CERT1: variants seen among roughly 807,000 people sequenced by gnomAD.
CERT1 encodes the protein ceramide transporter 1, also known as ceramide transfer protein.
In CERT1, 31 loss-of-function variants were observed where a neutral mutation model predicts 87.9. The ratio of observed to expected loss-of-function variants is 0.35; its 90% CI spans 0.27 to 0.48. The LOEUF is 0.48. CERT1 is among the 20% of genes least tolerant of loss of function. The probability of loss-of-function intolerance (pLI) is 0.99; values close to 1 mark genes in which losing one functional copy is unlikely to be tolerated. For missense variants in CERT1, 487 were observed against 758.0 expected (o/e 0.64, Z 4.20); for synonymous variants, 289 against 250.9 (o/e 1.15, Z -1.44).
chr5:75,483,495 AAC>A (rs1766352268), intron 2 of CERT1, among the ~76,000 whole-genome samples: 1 of 152,194 alleles, frequency 6.6e-6, no homozygotes, highest in African/African-American at 2.4e-5. Flanking sequence ...GAAATTAACA[AAC>A]ACAGAGATCA....
At chr5:75,456,846 A>G (rs1037206678) in intron 3 of CERT1, among the ~76,000 whole-genome samples, 2 of 152,158 alleles carry the variant, frequency 1.3e-5, no homozygotes, top group Admixed American at 6.5e-5. Context: ...AAAGAAATCA[A>G]CACTAAAGGA....
At chr5:75,389,393 A>G (rs1032167210) in intron 12 of CERT1, among the ~76,000 whole-genome samples, 199 bp downstream of exon 12, 1 of 152,260 alleles carries the variant, frequency 6.6e-6, no homozygotes, top group Non-Finnish European at 1.5e-5. Flanking sequence ...TATTATAATC[A>G]TAAAAACCTT....
intron 3 of CERT1, among the ~76,000 whole-genome samples, chr5:75,450,262 T>C (rs1182884285): frequency 1.3e-5 from 2 of 151,944 alleles, no homozygotes; most frequent in Admixed American, 6.6e-5. Context: ...GGAAGGGAGG[T>C]GGGTCAGGCA....
chr5:75,377,647 A>C (rs1432660398), downstream of CERT1: 1 of 152,204 alleles, frequency 6.6e-6, no homozygotes, highest in African/African-American at 2.4e-5. Flanking sequence ...AACAACAAAA[A>C]AAGTGTATCT....
At position 75,425,072 on chromosome 5, in the gene CERT1, C is replaced by T. The variant is rs192653848; in HGVS notation, c.595+289G>A. On this transcript the variant is annotated intron_variant, in intron 5 of 16. Coordinates refer to ENST00000643780, the MANE Select transcript of CERT1 (RefSeq NM_001379029.1). ...GTTTGAGGCTGCAGTGAGCTATGAT[C>T]GCGCCACTGCACTCCAGCCTGGGCG... Among the ~76,000 whole-genome samples, 229 of 152,172 alleles carry T rather than the reference C, an allele frequency of 1.5e-3. 1 individual carries two copies. Among genetic ancestry groups the T allele is most frequent in the Admixed American group, 7.4e-3 (113 of 15,284 alleles).
At chr5:75,443,742 G>A (rs971592278) in intron 3 of CERT1, among the ~76,000 whole-genome samples, 2 of 152,094 alleles carry the variant, frequency 1.3e-5, no homozygotes, top group African/African-American at 2.4e-5. Context: ...GTCTATTACT[G>A]AAAAAGGGCA....
chr5:75,382,277 A>G (rs770956776), intron 14 of CERT1, among the ~76,000 whole-genome samples, 200 bp from the exon 15 acceptor site: 1 of 152,176 alleles, frequency 6.6e-6, no homozygotes, highest in Non-Finnish European at 1.5e-5. Context: ...ATAATGTTCT[A>G]TTTTTTTAAT....
At chr5:75,381,228 G>C in intron 15 of CERT1, 27 bp from the exon 16 acceptor site, 2 of 1,613,152 alleles carry the variant, frequency 1.2e-6, no homozygotes, top group Non-Finnish European at 1.7e-6. Flanking sequence ...CAAAGCATCA[G>C]TAGATACCCA....
At chr5:75,429,137 A>T (rs922694647) in intron 3 of CERT1, among the ~76,000 whole-genome samples, 1 of 150,144 alleles carries the variant, frequency 6.7e-6, no homozygotes, top group Non-Finnish European at 1.5e-5. Context: ...CATAAAATTC[A>T]GGTTATCTGG....
intron 2 of CERT1, among the ~76,000 whole-genome samples, chr5:75,485,600 A>T (rs906634446): frequency 6.6e-6 from 1 of 152,000 alleles, no homozygotes; most frequent in Non-Finnish European, 1.5e-5. Context: ...GATAAACAAA[A>T]TTGACAAACC....
chr5:75,510,525 T>A (rs1767896936), intron 1 of CERT1, among the ~76,000 whole-genome samples: 2 of 152,206 alleles, frequency 1.3e-5, no homozygotes, highest in African/African-American at 4.8e-5. Context: ...GAATATTTCC[T>A]GTACCCATCA....
intron 10 of CERT1, 61 bp from the exon 11 acceptor site, chr5:75,399,448 A>G: frequency 8.3e-7 from 1 of 1,200,068 alleles, no homozygotes; most frequent in Admixed American, 1.7e-5. Flanking sequence ...CAGAGCATTC[A>G]GTACCAACTT....
At chr5:75,490,081 C>A (rs1383667399) in intron 2 of CERT1, among the ~76,000 whole-genome samples, 4 of 152,154 alleles carry the variant, frequency 2.6e-5, no homozygotes, top group African/African-American at 9.7e-5. Flanking sequence ...TCATTCTCAG[C>A]AAACTAACAC....
At chr5:75,482,774 G>A (rs766479834) in intron 2 of CERT1, among the ~76,000 whole-genome samples, 1 of 152,172 alleles carries the variant, frequency 6.6e-6, no homozygotes, top group Non-Finnish European at 1.5e-5. Flanking sequence ...AGATCAGCAA[G>A]GCAGTACTAT....
In CERT1 at chr5:75,511,371, C is replaced by A; in HGVS notation, c.-164G>T. ...GGACGAAGTCCGCCCGCCGCGCCGCCGCCGCGCCTGACACCGAGCGGAGCG... is the reference window on the plus strand; with the variant it reads ...GGACGAAGTCCGCCCGCCGCGCCGCAGCCGCGCCTGACACCGAGCGGAGCG... On this transcript the variant is annotated 5_prime_UTR_variant, in exon 1 of 17. Transcript: ENST00000643780. 6.5e-7 allele frequency: 1 copy of A among 1,546,434 alleles called. No homozygotes were observed. Among genetic ancestry groups the A allele is most frequent in the African/African-American group, 1.4e-5 (1 of 73,040 alleles).
chr5:75,423,844 A>G (rs1763490356), intron 5 of CERT1, among the ~76,000 whole-genome samples: 1 of 152,214 alleles, frequency 6.6e-6, no homozygotes, highest in South Asian at 2.1e-4. Flanking sequence ...AGAAGCTAAC[A>G]AAGGAGATAA....
chr5:75,397,023 T>C (rs1009004882), intron 11 of CERT1, among the ~76,000 whole-genome samples: 23 of 152,174 alleles, frequency 1.5e-4, no homozygotes, highest in African/African-American at 4.8e-4. Context: ...ACTTGCTAGA[T>C]CCTTTGATAA....
At chr5:75,467,059 A>T (rs1397898522) in intron 2 of CERT1, among the ~76,000 whole-genome samples, 1 of 152,112 alleles carries the variant, frequency 6.6e-6, no homozygotes, top group Non-Finnish European at 1.5e-5. Context: ...CCAAACTGGA[A>T]ATAACCCAAA....
Position 75,426,391 on chromosome 5 carries a change from T to C in CERT1, c.436A>G (p.Thr146Ala). Residue 146 changes from threonine to alanine, a missense_variant, in exon 4 of 17, where the codon ACA becomes GCA. Around this residue, in one of 8 missense-constraint regions of CERT1, gnomAD observed 173 missense variants for 302.2 expected, o/e 0.57. Transcript: ENST00000643780. ...CACACCTTGAATGAAGAGGTGGATG[T>C]TGCAGAGTAGCCACTTGCTCCAGAC... ...LVSGASGYSA[T>A]STSSFKKGHS... The C allele has an allele frequency of 1.9e-6, 3 of 1,613,386 alleles. No homozygotes were observed. Among genetic ancestry groups the C allele is most frequent in the South Asian group, 1.1e-5 (1 of 91,052 alleles).
Sources: gnomAD v4.1 joint callset for allele counts (sites outside exome capture counted in the v4.1 genomes callset) on GRCh38, gnomAD v4.1.1 for gene constraint, gnomAD v4.1.1 regional missense constraint, MANE v1.5 for transcripts, NCBI Gene and HGNC (gene_info 2026-07-23, HGNC 2026-07-21) for gene names.